The following FGD3 variants were observed in gnomAD, a reference collection of about 807,000 sequenced individuals.
FGD3 encodes the protein FYVE, RhoGEF and PH domain-containing protein 3.
In FGD3, 45 loss-of-function variants were observed where a neutral mutation model predicts 71.8. That is an observed-to-expected ratio of 0.63 (90% CI 0.49 to 0.80). FGD3 has a LOEUF of 0.80. Among genes scored for constraint, FGD3 ranks in the 30% least tolerant of loss-of-function variants. The pLI is 0.00. For synonymous variants in FGD3, 378 were observed against 392.8 expected, an observed-to-expected ratio of 0.96 and a Z score of 0.44; for missense variants, 844 against 951.5, an observed-to-expected ratio of 0.89 and a Z score of 1.49.
In FGD3 at chr9:92,976,699, G is replaced by A. The variant is rs750366159; in HGVS notation, c.443G>A (p.Gly148Asp). ...NTPQKADKDAGLAQHSGPQKL... is the reference protein window; with the variant it reads ...NTPQKADKDADLAQHSGPQKL... ...CCCCAGAAGGCTGACAAGGATGCCGGCCTGGCCCAGGTAGGCTTCCCCTTC... is the reference window on the plus strand; with the variant it reads ...CCCCAGAAGGCTGACAAGGATGCCGACCTGGCCCAGGTAGGCTTCCCCTTC... The change falls in exon 3 of 18, where the codon GGC (glycine) becomes GAC (aspartate). Residue 148 changes from glycine to aspartate, a missense_variant. Coordinates refer to ENST00000375482, the MANE Select transcript of FGD3 (RefSeq NM_001083536.2). The A allele has an allele frequency of 1.3e-6, 2 of 1,582,806 alleles. No homozygotes were observed. The highest frequency in any genetic ancestry group is 4.5e-5 in the East Asian group (2 of 44,574).
At chr9:93,016,392 C>T (rs1861693383) in intron 10 of FGD3, among the ~76,000 whole-genome samples, 1 of 134,084 alleles carries the variant, frequency 7.5e-6, no homozygotes, top group Non-Finnish European at 1.5e-5. Context: ...GGCTGGAGTG[C>T]AATGGCATGA....
chr9:93,015,938 C>T, intron 10 of FGD3, 109 bp downstream of exon 10: 6 of 925,884 alleles, frequency 6.5e-6, no homozygotes, highest in Non-Finnish European at 6.9e-6. Context: ...CAGCCTGGCA[C>T]CCCTACCTGC....
At chr9:93,018,690 G>C (rs1176411915) in intron 11 of FGD3, among the ~76,000 whole-genome samples, 1 of 152,124 alleles carries the variant, frequency 6.6e-6, no homozygotes, top group African/African-American at 2.4e-5. Context: ...TAACTTTCAA[G>C]CTTTAAGACC....
chr9:93,007,903 C>T (rs1387007951), intron 6 of FGD3, among the ~76,000 whole-genome samples: 1 of 152,120 alleles, frequency 6.6e-6, no homozygotes, highest in Non-Finnish European at 1.5e-5. Context: ...CATGGCCCAC[C>T]GCAGAGAATT....
intron 14 of FGD3, among the ~76,000 whole-genome samples, chr9:93,025,225 A>T (rs1862074674): frequency 6.6e-6 from 1 of 152,154 alleles, no homozygotes; most frequent in African/African-American, 2.4e-5. Context: ...GGAGCCAGGT[A>T]CTCAGGGTCA....
At chr9:92,990,824 T>C (rs563540428) in intron 3 of FGD3, among the ~76,000 whole-genome samples, 3 of 152,176 alleles carry the variant, frequency 2.0e-5, no homozygotes, top group Non-Finnish European at 4.4e-5. Flanking sequence ...GGTTTGCGGG[T>C]ATTTTGTTGA....
intron 3 of FGD3, among the ~76,000 whole-genome samples, chr9:92,994,335 T>C (rs532019309): frequency 2.0e-5 from 3 of 150,962 alleles, no homozygotes; most frequent in Non-Finnish European, 4.5e-5. Context: ...TCTTGTAAAT[T>C]TGTTTAAGTT....
chr9:92,981,333 A>C (rs1456420910), intron 3 of FGD3, among the ~76,000 whole-genome samples: 7 of 146,306 alleles, frequency 4.8e-5, no homozygotes, highest in African/African-American at 1.8e-4. Context: ...GCGCCACTGC[A>C]CTCCAGCCTG....
At chr9:93,013,768 G>T in intron 8 of FGD3, 84 bp from the exon 9 acceptor site, 1 of 1,553,950 alleles carries the variant, frequency 6.4e-7, no homozygotes, top group South Asian at 1.2e-5. Context: ...TCTGGGCCAC[G>T]GTTGCAGGGA....
chr9:92,976,380 C>T lies in FGD3; in HGVS notation c.124C>T (p.His42Tyr), dbSNP rs1859754496. The T allele has an allele frequency of 5.6e-6, 9 of 1,610,746 alleles. No individual in the cohort carries two copies. Among genetic ancestry groups the T allele is most frequent in the Non-Finnish European group, 7.6e-6 (9 of 1,179,022 alleles). ...GGCGCTCCCTGTTGGGCCCAGAGCC[C>T]ACTGTGGGGACCCTGTCAGCCTGGC... ...LQALPVGPRA[H>Y]CGDPVSLAAA... The change falls in exon 3 of 18, where the codon CAC becomes TAC. Residue 42 changes from histidine to tyrosine, a missense_variant. Transcript: ENST00000375482.
Position 93,034,607 on chromosome 9 carries a change from G to A in FGD3, c.1852G>A (p.Glu618Lys), listed in dbSNP as rs756630868. The A allele has an allele frequency of 1.1e-5, 17 of 1,613,444 alleles. No homozygotes were observed. The highest frequency in any genetic ancestry group is 5.1e-6 in the Non-Finnish European group (6 of 1,179,896). The change falls in exon 17 of 18, where the codon GAG becomes AAG. Residue 618 changes from glutamate (E) to lysine (K), a missense_variant. By Grantham distance (56) the Glu-to-Lys change is moderately conservative (BLOSUM62 1). Transcript: ENST00000375482. The part of the protein sequence containing the change: ...CGPLRLSESG[E>K]TWSEVWAAIP... ...CCCCCTGCGGCTGTCAGAGAGCGGT[G>A]AGACCTGGAGCGAGGTGTGGGCCGC...
intron 15 of FGD3, among the ~76,000 whole-genome samples, chr9:93,031,226 G>T (rs563125448): frequency 8.5e-5 from 13 of 152,222 alleles, no homozygotes; most frequent in Non-Finnish European, 1.3e-4. Context: ...TAGAATTGGG[G>T]GATTTAACTC....
intron 6 of FGD3, 124 bp downstream of exon 6, chr9:93,006,304 A>T (rs1369718698): frequency 1.8e-6 from 2 of 1,115,202 alleles, no homozygotes; most frequent in Middle Eastern, 3.2e-4. Context: ...GACATTACTA[A>T]AATTTTGGAA....
chr9:92,994,604 T>G lies in FGD3; in HGVS notation c.454-8321T>G, dbSNP rs1237485260. ...TTTTCTTCCAGGGTTTTTATGGTTT[T>G]AGGTCTAACGTTTAAGTCTTTAATC... On this transcript the variant is annotated intron_variant, in intron 3 of 17. Transcript: ENST00000375482. 2.0e-5 allele frequency among the ~76,000 whole-genome samples: 3 copies of G among 152,374 alleles called. No homozygotes were observed. In the South Asian group the frequency reaches 6.2e-4, roughly 32 times the overall value.
rs544034624 is a variant in FGD3, at chr9:93,034,700, C to T, written c.1926+19C>T. ...CAGCCAGGTACGTGTCCCCACCCCA[C>T]CAGGCCCTCAGGCCAGCAGCCCAGA... On this transcript the variant is annotated intron_variant, in intron 17 of 17. Transcript: ENST00000375482. 1.9e-6 allele frequency: 3 copies of T among 1,608,352 alleles called. No homozygotes were observed. Among genetic ancestry groups the T allele is most frequent in the Non-Finnish European group, 2.5e-6 (3 of 1,177,794 alleles).
intron 14 of FGD3, 40 bp from the exon 15 acceptor site, chr9:93,029,834 A>G (rs1458119796): frequency 3.1e-6 from 5 of 1,600,050 alleles, no homozygotes; most frequent in East Asian, 2.3e-5. Flanking sequence ...GGGTGCACAC[A>G]TGATTCAGAA....
Position 93,020,430 on chromosome 9 carries a change from T to C in FGD3, c.1494+6T>C, listed in dbSNP as rs1195914137. Reference sequence around the variant, plus strand: ...GCCTCTCTCCAGACATGCCTGTGAGTCAGTGGCCCGGGGTGCAGAGAGACC... The same window carrying C: ...GCCTCTCTCCAGACATGCCTGTGAGCCAGTGGCCCGGGGTGCAGAGAGACC... On this transcript the variant is annotated splice_donor_region_variant and intron_variant, in intron 13 of 17. Coordinates refer to ENST00000375482, the MANE Select transcript of FGD3 (RefSeq NM_001083536.2). 2 of 1,611,222 alleles carry C rather than the reference T, an allele frequency of 1.2e-6. No homozygotes were observed. The highest frequency in any genetic ancestry group is 8.5e-7 in the Non-Finnish European group (1 of 1,178,920).
intron 13 of FGD3, among the ~76,000 whole-genome samples, chr9:93,022,067 C>T (rs1430141012): frequency 6.6e-6 from 1 of 152,174 alleles, no homozygotes; most frequent in Admixed American, 6.5e-5. Flanking sequence ...CTGAATAGGG[C>T]GGGCCAGAGG....
intron 12 of FGD3, 45 bp downstream of exon 12, chr9:93,019,906 G>A: frequency 6.2e-7 from 1 of 1,604,200 alleles, no homozygotes; most frequent in Non-Finnish European, 8.5e-7. Context: ...CCAAGTGATT[G>A]AGCAGTAAGG....
Sources: allele counts gnomAD v4.1 joint callset (sites outside exome capture counted in the v4.1 genomes callset), GRCh38; gene constraint gnomAD v4.1.1; transcripts MANE v1.5; gene names NCBI Gene and HGNC (gene_info 2026-07-23, HGNC 2026-07-21).